The following PKN2 variants were observed in gnomAD, a reference collection of about 807,000 sequenced individuals.
The protein encoded by PKN2 is protein kinase N2.
In PKN2, 38 loss-of-function variants were observed where a neutral mutation model predicts 119.1. The ratio of observed to expected loss-of-function variants is 0.32; its 90% CI spans 0.25 to 0.42. The LOEUF (loss-of-function observed/expected upper bound fraction) is 0.42, where lower values mean the gene tolerates loss of function less well. PKN2 is among the 10% of genes least tolerant of loss of function. PKN2 has a pLI of 1.00. For synonymous variants in PKN2, 390 were observed against 384.9 expected, an observed-to-expected ratio of 1.01 and a Z score of -0.15; for missense variants, 850 against 1,165.1, an observed-to-expected ratio of 0.73 and a Z score of 3.94.
At chr1:88,793,024 C>T (rs1670909044) in intron 8 of PKN2, among the ~76,000 whole-genome samples, 1 of 152,156 alleles carries the variant, frequency 6.6e-6, no homozygotes, top group African/African-American at 2.4e-5. Flanking sequence ...ATTAGATTTA[C>T]ATAGTGTTTT....
In PKN2 at chr1:88,797,652, AGAGAG is replaced by A. The variant is rs1288311595; in HGVS notation, c.1282-6738_1282-6734del. On this transcript the variant is annotated intron_variant, in intron 8 of 21. Transcript: ENST00000370521. ...ACTCCGTCTCAAAAAAAAAAAAAAA[AGAGAG>A]AGAATGTCTTCCTTACCTACTCTCA... 6.1e-5 allele frequency among the ~76,000 whole-genome samples: 9 copies of A among 147,186 alleles called. No individual in the cohort carries two copies. In the South Asian group the frequency reaches 1.5e-3, roughly 24 times the overall value.
At chr1:88,743,986 G>A (rs1266755399) in intron 2 of PKN2, among the ~76,000 whole-genome samples, 2 of 151,954 alleles carry the variant, frequency 1.3e-5, no homozygotes, top group African/African-American at 2.4e-5. Context: ...TGATAAGTTC[G>A]TCAAATTTTT....
At chr1:88,790,688 G>T (rs924171625) in intron 8 of PKN2, among the ~76,000 whole-genome samples, 1 of 152,030 alleles carries the variant, frequency 6.6e-6, no homozygotes, top group African/African-American at 2.4e-5. Flanking sequence ...GATATTGTGT[G>T]GCACTTTCAG....
chr1:88,764,634 C>T (rs1669585287), intron 3 of PKN2, among the ~76,000 whole-genome samples: 1 of 152,072 alleles, frequency 6.6e-6, no homozygotes, highest in Non-Finnish European at 1.5e-5. Context: ...ATAATTTACA[C>T]ATTGTTCTTT....
At chr1:88,796,759 C>G (rs1351985623) in intron 8 of PKN2, among the ~76,000 whole-genome samples, 1 of 152,158 alleles carries the variant, frequency 6.6e-6, no homozygotes, top group Non-Finnish European at 1.5e-5. Flanking sequence ...ACATTTCTGT[C>G]TCCCAGAATT....
chr1:88,709,722 A>T (rs1667147681), intron 1 of PKN2, among the ~76,000 whole-genome samples: 1 of 152,172 alleles, frequency 6.6e-6, no homozygotes, highest in Non-Finnish European at 1.5e-5. Context: ...AACAGCATAC[A>T]TGTTATTATT....
intron 1 of PKN2, among the ~76,000 whole-genome samples, chr1:88,738,914 C>A (rs1398746649): frequency 1.3e-5 from 2 of 152,068 alleles, no homozygotes; most frequent in Non-Finnish European, 2.9e-5. Flanking sequence ...GACAACTTGC[C>A]AAGGATAGAC....
In PKN2 at chr1:88,804,919, A is replaced by G. The variant is rs768885163; in HGVS notation, c.1499A>G (p.Gln500Arg). The G allele has an allele frequency of 2.1e-6, 3 of 1,423,202 alleles. No individual in the cohort carries two copies. Among genetic ancestry groups the G allele is most frequent in the Admixed American group, 3.6e-5 (2 of 56,318 alleles). 88.2% of individuals were successfully genotyped at this position (1,423,202 alleles called of 1,614,324 possible). A position where few individuals can be genotyped will look rare whatever the true frequency, so the allele number is the denominator to read the frequency against. The part of the protein sequence containing the change: ...QRQKKIFSKQ[Q>R]GKTFLRAPQM... ...CAAAAGAAAATTTTTTCAAAGCAAC[A>G]AGGTAATTACTAACAATCAAATGCA... Residue 500 changes from glutamine (Q) to arginine (R), a missense_variant and splice_region_variant, in exon 10 of 22, where the codon CAA becomes CGA. Around this residue, in one of 9 missense-constraint regions of PKN2, gnomAD observed 5 missense variants for 25.6 expected, o/e 0.20. Transcript: ENST00000370521.
chr1:88,796,926 C>CT (rs983424985), intron 8 of PKN2, among the ~76,000 whole-genome samples: 3,332 of 140,634 alleles, frequency 0.024, 47 homozygotes, highest in Non-Finnish European at 0.034. Flanking sequence ...TTTGCTCAAC[C>CT]TTTTTTTTTT....
At chr1:88,768,992 G>GCT (rs1669776047) in intron 3 of PKN2, among the ~76,000 whole-genome samples, 1 of 148,880 alleles carries the variant, frequency 6.7e-6, no homozygotes, top group South Asian at 2.1e-4. Context: ...TGAACAAACA[G>GCT]CTCAACAACC....
chr1:88,784,888 A>C, intron 7 of PKN2, 64 bp downstream of exon 7: 3 of 913,346 alleles, frequency 3.3e-6, no homozygotes, highest in Non-Finnish European at 4.8e-6. Context: ...GGGATTTATG[A>C]AGTGTTCAAG....
intron 1 of PKN2, among the ~76,000 whole-genome samples, chr1:88,688,704 A>C (rs1666210991): frequency 6.6e-6 from 1 of 152,172 alleles, no homozygotes; most frequent in African/African-American, 2.4e-5. Flanking sequence ...GCTTGCCCAA[A>C]ACTTCCCAAA....
At chr1:88,810,271 C>T (rs932240530) in intron 15 of PKN2, among the ~76,000 whole-genome samples, 5 of 151,892 alleles carry the variant, frequency 3.3e-5, no homozygotes, top group African/African-American at 4.8e-5. Context: ...CAGGCTTGCA[C>T]CACCATGCCC....
chr1:88,686,682 C>A (rs6428478), intron 1 of PKN2, among the ~76,000 whole-genome samples: 15,426 of 151,974 alleles, frequency 0.1, 1,513 homozygotes, highest in African/African-American at 0.26. Context: ...AAAATGTTTG[C>A]GACTATTACT....
chr1:88,768,487 T>C (rs1180913040), intron 3 of PKN2, among the ~76,000 whole-genome samples: 3 of 152,224 alleles, frequency 2.0e-5, no homozygotes, highest in Non-Finnish European at 4.4e-5. Context: ...TGACCTCTTC[T>C]TCCTCTCTTT....
At chr1:88,809,624 A>G (rs1221093926) in intron 15 of PKN2, among the ~76,000 whole-genome samples, 1 of 152,178 alleles carries the variant, frequency 6.6e-6, no homozygotes, top group African/African-American at 2.4e-5. Context: ...ACTGAAAATT[A>G]ATCCAGTCTT....
chr1:88,806,023 C>T lies in PKN2; in HGVS notation c.1803+6C>T. ...TTTTGGATATACCAGGACAGGCAAG[C>T]CATTTTAAACCTTGCATAATTCCTC... On this transcript the variant is annotated splice_donor_region_variant and intron_variant, in intron 12 of 21. Coordinates refer to ENST00000370521, the MANE Select transcript of PKN2 (RefSeq NM_006256.4). 6.2e-7 allele frequency: 1 copy of T among 1,609,694 alleles called. No homozygotes were observed. The highest frequency in any genetic ancestry group is 1.1e-5 in the South Asian group (1 of 90,946).
At chr1:88,758,545 A>C (rs994162939) in intron 2 of PKN2, among the ~76,000 whole-genome samples, 3 of 152,070 alleles carry the variant, frequency 2.0e-5, no homozygotes, top group African/African-American at 7.2e-5. Flanking sequence ...TCCACACTCC[A>C]ATAGGCCCCC....
chr1:88,705,096 T>C (rs756051700), intron 1 of PKN2, among the ~76,000 whole-genome samples: 2 of 152,016 alleles, frequency 1.3e-5, no homozygotes, highest in African/African-American at 2.4e-5. Flanking sequence ...GAGTTGCAAA[T>C]ATTTTCAATT....
Sources: gnomAD v4.1 joint callset for allele counts (sites outside exome capture counted in the v4.1 genomes callset) on GRCh38, gnomAD v4.1.1 for gene constraint, gnomAD v4.1.1 regional missense constraint, MANE v1.5 for transcripts, NCBI Gene and HGNC (gene_info 2026-07-23, HGNC 2026-07-21) for gene names.